The following FANCE variants were observed in gnomAD, a reference collection of about 807,000 sequenced individuals.
FANCE encodes FA complementation group E.
FANCE carries 42 observed loss-of-function variants against 57.8 expected under a neutral mutation model. The observed-to-expected ratio is 0.73, with a 90% CI of 0.57 to 0.94. The LOEUF (loss-of-function observed/expected upper bound fraction) is 0.94, where lower values mean the gene tolerates loss of function less well. Among genes scored for constraint, FANCE ranks in the 40% least tolerant of loss-of-function variants. The pLI is 0.00. For missense variants in FANCE, 608 were observed against 661.8 expected (o/e 0.92, Z 0.89); for synonymous variants, 251 against 286.4 (o/e 0.88, Z 1.25).
chr6:35,458,257 A>C (rs1767427624), intron 4 of FANCE, 40 bp from the exon 5 acceptor site: 1 of 1,610,454 alleles, frequency 6.2e-7, no homozygotes, highest in East Asian at 2.2e-5. Flanking sequence ...GGCAGAGTGC[A>C]TGTCCCGGTG....
At position 35,456,262 on chromosome 6, in the gene FANCE, C is replaced by G; in HGVS notation, c.764C>G (p.Pro255Arg). ...AGTGCATCTCCTATTAAGGACCAGC[C>G]TGTCATGGCAGTTAAGACTGGCGAG... ...GGSASPIKDQ[P>R]VMAVKTGEDG... The change falls in exon 2 of 10, where the codon CCT (proline) becomes CGT (arginine). Residue 255 changes from proline (P) to arginine (R), a missense_variant. Transcript: ENST00000229769. The surrounding 1 kb of genome is among the most constrained non-coding windows in gnomAD (Gnocchi z 4.3). 1 of 1,614,184 alleles carries G rather than the reference C, an allele frequency of 6.2e-7. No individual in the cohort carries two copies. Among genetic ancestry groups the G allele is most frequent in the Non-Finnish European group, 8.5e-7 (1 of 1,180,036 alleles).
At chr6:35,453,437 T>C (rs1767193949) in intron 1 of FANCE, among the ~76,000 whole-genome samples, 1 of 152,232 alleles carries the variant, frequency 6.6e-6, no homozygotes, top group South Asian at 2.1e-4. Flanking sequence ...CAGGCATTCT[T>C]TTAAGCCACG....
chr6:35,457,446 C>A, intron 2 of FANCE, 110 bp from the exon 3 acceptor site: 1 of 1,212,262 alleles, frequency 8.2e-7, no homozygotes, highest in Non-Finnish European at 1.2e-6. Context: ...ATCATCTTTG[C>A]CAGCTAGCTC....
Position 35,452,933 on chromosome 6 carries a change from C to T in FANCE, c.248+140C>T, listed in dbSNP as rs374108317. The stretch of plus-strand genomic sequence containing the variant: ...GAGCAGGGGCACCCTTCACTGAGCA[C>T]TTGCTGTGTGCGGGACATCGAGGAT... On this transcript the variant is annotated intron_variant, in intron 1 of 9. Coordinates refer to ENST00000229769, the MANE Select transcript of FANCE (RefSeq NM_021922.3). The T allele has an allele frequency of 6.7e-6, 6 of 899,536 alleles. No individual in the cohort carries two copies. In the Admixed American group the frequency reaches 1.3e-4, roughly 20 times the overall value. 55.7% of individuals were successfully genotyped at this position (899,536 alleles called of 1,614,324 possible). A position where few individuals can be genotyped will look rare whatever the true frequency, so the allele number is the denominator to read the frequency against.
intron 8 of FANCE, 39 bp downstream of exon 8, chr6:35,460,657 G>T (rs1307761223): frequency 1.3e-6 from 2 of 1,586,882 alleles, no homozygotes; most frequent in East Asian, 2.2e-5. Flanking sequence ...ACAAAGAAGT[G>T]CTGCAGTCCT....
rs1413180761 is a variant in FANCE at position 35,464,262 on chromosome 6, A to AGAG, written c.1509+1349_1509+1351dup. On this transcript the variant is annotated intron_variant, in intron 9 of 9. Coordinates refer to ENST00000229769, the MANE Select transcript of FANCE (RefSeq NM_021922.3). ...TTTTTTTTTTTTTTTTTTTTGAGAC[A>AGAG]GAGTCTCACTCTGTTGCCCAGGCTA... 1.4e-3 allele frequency among the ~76,000 whole-genome samples: 158 copies of AGAG among 113,042 alleles called. 2 individuals carry two copies. Among genetic ancestry groups the AGAG allele is most frequent in the African/African-American group, 5.2e-3 (153 of 29,444 alleles). The allele number at this position is 113,042 out of a possible 152,430, so 74.2% of individuals were successfully genotyped here.
In FANCE at chr6:35,452,807, C is replaced by A. The variant is rs991483052; in HGVS notation, c.248+14C>A. On this transcript the variant is annotated intron_variant, in intron 1 of 9. Coordinates refer to ENST00000229769, the MANE Select transcript of FANCE (RefSeq NM_021922.3). Reference sequence around the variant, plus strand: ...CCGTCTGGAGCTGTAAGTCCTCGCCCGCGGCCCCTTAGCAGGTATGGGAGG... The same window carrying A: ...CCGTCTGGAGCTGTAAGTCCTCGCCAGCGGCCCCTTAGCAGGTATGGGAGG... 5 of 1,313,308 alleles carry A rather than the reference C, an allele frequency of 3.8e-6. No homozygotes were observed. The Admixed American group carries it at 1.7e-4, about 44-fold the overall frequency. 81.4% of individuals were successfully genotyped at this position (1,313,308 alleles called of 1,614,324 possible).
chr6:35,458,726 T>C (rs1767461489), intron 5 of FANCE, among the ~76,000 whole-genome samples: 3 of 151,790 alleles, frequency 2.0e-5, no homozygotes, highest in Admixed American at 2.0e-4. Context: ...CTCAGCCTCC[T>C]GAGTAGCTGG....
intron 9 of FANCE, among the ~76,000 whole-genome samples, chr6:35,464,980 C>G (rs147169503): frequency 0.012 from 1,781 of 151,862 alleles, 20 homozygotes; most frequent in East Asian, 0.056. Flanking sequence ...GTGATCCACC[C>G]TCCTCAGCCT....
At chr6:35,454,102 T>C (rs577384518) in intron 1 of FANCE, among the ~76,000 whole-genome samples, 2 of 152,092 alleles carry the variant, frequency 1.3e-5, no homozygotes, top group East Asian at 3.9e-4. Context: ...CTTGCTCTGT[T>C]GCCCAAGCTG....
chr6:35,459,727 C>T lies in FANCE; in HGVS notation c.1283C>T (p.Ser428Phe). Residue 428 changes from serine (S) to phenylalanine (F), a missense_variant, in exon 7 of 10, where the codon TCC (serine) becomes TTC (phenylalanine). Physicochemically the swap from Ser to Phe is radical, Grantham distance 155. Transcript: ENST00000229769. Reference sequence around the variant, plus strand: ...CTGTGTTGCCTTGTGAAGATGGAGTCCCTGGAGCCAGATGCACAGGTTCTA... The same window carrying T: ...CTGTGTTGCCTTGTGAAGATGGAGTTCCTGGAGCCAGATGCACAGGTTCTA... ...ELLCCLVKME[S>F]LEPDAQVLML... 1 of 1,614,164 alleles carries T rather than the reference C, an allele frequency of 6.2e-7. No homozygotes were observed. Among genetic ancestry groups the T allele is most frequent in the Non-Finnish European group, 8.5e-7 (1 of 1,180,032 alleles).
At position 35,460,556 on chromosome 6, in the gene FANCE, A is replaced by C. The variant is rs757158532; in HGVS notation, c.1321A>C (p.Ile441Leu). 18 of 1,613,958 alleles carry C rather than the reference A, an allele frequency of 1.1e-5. No individual in the cohort carries two copies. The highest frequency in any genetic ancestry group is 1.5e-5 in the Non-Finnish European group (18 of 1,179,954). ...ACTAGGGCCTCTGCTTTGCAGACAGATCTTGGAGCTGCCCTGGAAGGAGGA... is the reference window on the plus strand; with the variant it reads ...ACTAGGGCCTCTGCTTTGCAGACAGCTCTTGGAGCTGCCCTGGAAGGAGGA... The part of the protein sequence containing the change: ...PDAQVLMLGQ[I>L]LELPWKEETF... Residue 441 changes from isoleucine to leucine, a missense_variant, in exon 8 of 10, where the codon ATC (isoleucine) becomes CTC (leucine). Physicochemically the swap from Ile to Leu is conservative, Grantham distance 5. Coordinates refer to ENST00000229769, the MANE Select transcript of FANCE (RefSeq NM_021922.3).
chr6:35,455,773 G>A lies in FANCE; in HGVS notation c.275G>A (p.Arg92Gln), dbSNP rs369035099. Reference sequence around the variant, plus strand: ...AAACCACTGTTGCTGCGATTGCCCCGGATATGCCAGAGGAACCTGATGTCC... The same window carrying A: ...AAACCACTGTTGCTGCGATTGCCCCAGATATGCCAGAGGAACCTGATGTCC... ...ELKPLLLRLP[R>Q]ICQRNLMSLL... Residue 92 changes from arginine (R) to glutamine (Q), a missense_variant, in exon 2 of 10, where the codon CGG (arginine) becomes CAG (glutamine). Arg to Gln is a conservative substitution (Grantham distance 43, BLOSUM62 1). Transcript: ENST00000229769. The A allele has an allele frequency of 6.8e-6, 11 of 1,614,000 alleles. No individual in the cohort carries two copies. The highest frequency in any genetic ancestry group is 1.6e-4 in the Middle Eastern group (1 of 6,080).
Position 35,459,385 on chromosome 6 carries a change from T to C in FANCE, c.1168T>C (p.Phe390Leu). ...SRLLTTALTS[F>L]CAKYTYPVCS... ...CCTGCTTACAACTGCCCTGACCTCC[T>C]TCTGTGCCAAATATACATACCCTGT... Residue 390 changes from phenylalanine to leucine, a missense_variant, in exon 6 of 10, where the codon TTC becomes CTC. Coordinates refer to ENST00000229769, the MANE Select transcript of FANCE (RefSeq NM_021922.3). 1 of 1,614,184 alleles carries C rather than the reference T, an allele frequency of 6.2e-7. No individual in the cohort carries two copies. The highest frequency in any genetic ancestry group is 2.2e-5 in the East Asian group (1 of 44,886).
In FANCE at chr6:35,455,868, G is replaced by A; in HGVS notation, c.370G>A (p.Asp124Asn). Residue 124 changes from aspartate to asparagine, a missense_variant, in exon 2 of 10, where the codon GAC (aspartate) becomes AAC (asparagine). Asp to Asn is a conservative substitution (Grantham distance 23). Coordinates refer to ENST00000229769, the MANE Select transcript of FANCE (RefSeq NM_021922.3). The stretch of plus-strand genomic sequence containing the variant: ...CTCTGTGCTGCAGATTGCCCAGCAG[G>A]ACCTAGCCCCTGACCCAGATGCCTG... ...LLSVLQIAQQ[D>N]LAPDPDAWLR... The A allele has an allele frequency of 6.2e-7, 1 of 1,614,172 alleles. No individual in the cohort carries two copies. The highest frequency in any genetic ancestry group is 8.5e-7 in the Non-Finnish European group (1 of 1,180,030).
At chr6:35,463,466 G>GAAA (rs1163314148) in intron 9 of FANCE, among the ~76,000 whole-genome samples, 6 of 152,120 alleles carry the variant, frequency 3.9e-5, no homozygotes, top group Admixed American at 6.6e-5. Flanking sequence ...CGACCATAAT[G>GAAA]CAATCCCTGC....
chr6:35,454,437 CT>C (rs1157539628), intron 1 of FANCE, among the ~76,000 whole-genome samples: 6 of 151,604 alleles, frequency 4.0e-5, no homozygotes, highest in South Asian at 2.1e-4. Flanking sequence ...AAATAGTTGT[CT>C]TTTTTTTTCT....
In FANCE at chr6:35,460,139, G is replaced by A. The variant is rs45539039; in HGVS notation, c.1316+379G>A. ...TTGGCGGGGGGTGGGGGGTGGGGAC[G>A]GAGTCTTGCCCTGTTGCCCAGGCTG... On this transcript the variant is annotated intron_variant, in intron 7 of 9. Transcript: ENST00000229769. 2.2e-3 allele frequency among the ~76,000 whole-genome samples: 332 copies of A among 148,694 alleles called. 1 individual carries two copies. Among genetic ancestry groups the A allele is most frequent in the African/African-American group, 7.7e-3 (312 of 40,520 alleles).
At chr6:35,461,314 A>G (rs1320758683) in intron 8 of FANCE, among the ~76,000 whole-genome samples, 1 of 152,130 alleles carries the variant, frequency 6.6e-6, no homozygotes, top group Non-Finnish European at 1.5e-5. Flanking sequence ...GTGAGCCACC[A>G]CGCCCAGCCC....
Sources: allele counts gnomAD v4.1 joint callset (sites outside exome capture counted in the v4.1 genomes callset), GRCh38; gene constraint gnomAD v4.1.1; non-coding constraint Gnocchi (gnomAD v3.1); transcripts MANE v1.5; gene names NCBI Gene and HGNC (gene_info 2026-07-23, HGNC 2026-07-21).